Variants in HDAC9 observed in about 807,000 individuals in gnomAD.
HDAC9 encodes the protein histone deacetylase 9.
A neutral mutation model predicts 139.4 loss-of-function variants in HDAC9; 41 were observed. The ratio of observed to expected loss-of-function variants is 0.29; its 90% CI spans 0.23 to 0.38. The LOEUF (loss-of-function observed/expected upper bound fraction) is 0.38, where lower values mean the gene tolerates loss of function less well. Ranked by LOEUF, HDAC9 falls within the 10% of genes least tolerant of loss-of-function variation. The pLI is 1.00. For synonymous variants in HDAC9, 517 were observed against 476.2 expected (o/e 1.09, Z -1.12); for missense variants, 1,147 against 1,297.0 (o/e 0.88, Z 1.78).
chr7:18,699,770 T>C (rs212668), intron 12 of HDAC9, among the ~76,000 whole-genome samples: 9,161 of 152,192 alleles, frequency 0.06, 783 homozygotes, highest in African/African-American at 0.19. Context: ...GTATTTTATA[T>C]GCATTTTAAT....
At chr7:18,371,344 T>C (rs964671973) in intron 1 of HDAC9, among the ~76,000 whole-genome samples, 1 of 152,168 alleles carries the variant, frequency 6.6e-6, no homozygotes, top group African/African-American at 2.4e-5. Flanking sequence ...TTAAAATTAA[T>C]GTTAAGAAGG....
chr7:18,181,617 A>C (rs1789436318), intron 2 of HDAC9, among the ~76,000 whole-genome samples: 1 of 152,166 alleles, frequency 6.6e-6, no homozygotes, highest in Non-Finnish European at 1.5e-5. Context: ...TACAAAAATA[A>C]AGTTTAGACC....
chr7:18,124,500 A>G (rs770491251), intron 1 of HDAC9, among the ~76,000 whole-genome samples: 3 of 152,200 alleles, frequency 2.0e-5, no homozygotes, highest in Non-Finnish European at 2.9e-5. Context: ...GGAGGTTACA[A>G]TAGTGAACCT....
intron 1 of HDAC9, among the ~76,000 whole-genome samples, chr7:18,291,515 T>G (rs1797808042): frequency 6.6e-6 from 1 of 152,094 alleles, no homozygotes; most frequent in African/African-American, 2.4e-5. Context: ...GAGTGCTCAC[T>G]GTTTGTTAGC....
At chr7:18,907,706 A>G (rs1047765139) in intron 22 of HDAC9, among the ~76,000 whole-genome samples, 2 of 152,180 alleles carry the variant, frequency 1.3e-5, no homozygotes, top group East Asian at 3.9e-4. Flanking sequence ...TCTGGAAAGA[A>G]AACAAAACTC....
intron 2 of HDAC9, among the ~76,000 whole-genome samples, chr7:18,189,407 A>C (rs1470895848): frequency 2.0e-5 from 3 of 152,282 alleles, no homozygotes; most frequent in African/African-American, 7.2e-5. Flanking sequence ...CCACCATGGC[A>C]CATATATACC....
intron 25 of HDAC9, 32 bp from the exon 26 acceptor site, chr7:18,995,991 G>A: frequency 6.4e-7 from 1 of 1,556,920 alleles, no homozygotes; most frequent in Non-Finnish European, 8.7e-7. Context: ...GTACTCTTAT[G>A]CCGTATTCTG....
chr7:18,732,620 C>T lies in HDAC9; in HGVS notation c.1909+4863C>T, dbSNP rs150690943. ...GTATATGTGTGCATATGTGTATATACACACACGTGTATATGTGTGCATATG... is the reference window on the plus strand; with the variant it reads ...GTATATGTGTGCATATGTGTATATATACACACGTGTATATGTGTGCATATG... On this transcript the variant is annotated intron_variant, in intron 13 of 25. Transcript: ENST00000686413. Among the ~76,000 whole-genome samples, 454 of 140,588 alleles carry T rather than the reference C, an allele frequency of 3.2e-3. 62 individuals are homozygous for T. The highest frequency in any genetic ancestry group is 0.012 in the African/African-American group (421 of 35,422). 92.2% of individuals were successfully genotyped at this position (140,588 alleles called of 152,430 possible). A position where few individuals can be genotyped will look rare whatever the true frequency, so the allele number is the denominator to read the frequency against.
rs139034556 is a variant in HDAC9 at position 18,198,035 on chromosome 7, G to A, written c.25+35686G>A. Among the ~76,000 whole-genome samples, 656 of 152,198 alleles carry A rather than the reference G, an allele frequency of 4.3e-3. 15 individuals are homozygous for A. Among genetic ancestry groups the A allele is most frequent in the Admixed American group, 0.034 (523 of 15,268 alleles). On this transcript the variant is annotated intron_variant, in intron 2 of 12. Coordinates refer to the HDAC9 transcript ENST00000417496. ...GAAAAATATCTATAGGCTGAAAATT[G>A]TTCTAAGCTGCAAAAATGGCCTTGA...
intron 2 of HDAC9, among the ~76,000 whole-genome samples, chr7:18,549,502 A>G (rs950564390): frequency 6.6e-6 from 1 of 152,220 alleles, no homozygotes; most frequent in East Asian, 1.9e-4. Context: ...GATACAGACA[A>G]CAGCTTGGAT....
chr7:18,669,513 T>C (rs1289225523), intron 12 of HDAC9, among the ~76,000 whole-genome samples: 2 of 151,816 alleles, frequency 1.3e-5, no homozygotes, highest in Non-Finnish European at 3.0e-5. Context: ...GAGCTATAAT[T>C]ATTGACTGTT....
chr7:18,592,166 A>G (rs569596590), intron 5 of HDAC9, among the ~76,000 whole-genome samples: 1 of 152,122 alleles, frequency 6.6e-6, no homozygotes, highest in African/African-American at 2.4e-5. Flanking sequence ...AAGGAAGATA[A>G]GGGAGGGTAG....
rs113229833 is a variant in HDAC9 at position 18,142,140 on chromosome 7, G to C, written c.-96-20089G>C. On this transcript the variant is annotated intron_variant, in intron 1 of 12. Coordinates refer to the HDAC9 transcript ENST00000417496. ...ATGAGTTATTTTTCTGTCTCCTAGAGAGTATAGAGCAAGGCTACAAAGAGC... is the reference window on the plus strand; with the variant it reads ...ATGAGTTATTTTTCTGTCTCCTAGACAGTATAGAGCAAGGCTACAAAGAGC... 9.2e-4 allele frequency among the ~76,000 whole-genome samples: 139 copies of C among 151,162 alleles called. 1 individual carries two copies. The highest frequency in any genetic ancestry group is 3.0e-3 in the African/African-American group (125 of 41,074).
At chr7:18,747,212 A>C (rs1251292678) in intron 13 of HDAC9, among the ~76,000 whole-genome samples, 3 of 152,190 alleles carry the variant, frequency 2.0e-5, no homozygotes, top group Admixed American at 6.5e-5. Flanking sequence ...GCCTGGAGGA[A>C]TTTCAGTCTC....
intron 6 of HDAC9, among the ~76,000 whole-genome samples, chr7:18,615,698 T>C (rs1217259904): frequency 6.6e-6 from 1 of 152,182 alleles, no homozygotes; most frequent in Non-Finnish European, 1.5e-5. Flanking sequence ...TCCTACTACA[T>C]TACCTAAAAA....
At chr7:18,930,282 C>G (rs1377273397) in intron 22 of HDAC9, among the ~76,000 whole-genome samples, 1 of 152,114 alleles carries the variant, frequency 6.6e-6, no homozygotes, top group African/African-American at 2.4e-5. Flanking sequence ...AACACTCAAC[C>G]CCGCTTGAGG....
chr7:18,090,658 G>T (rs1008864740), intron 1 of HDAC9, among the ~76,000 whole-genome samples: 1 of 152,292 alleles, frequency 6.6e-6, no homozygotes, highest in African/African-American at 2.4e-5. Context: ...ATTGACGGGG[G>T]ACAGTAATGG....
intron 12 of HDAC9, among the ~76,000 whole-genome samples, chr7:18,692,407 T>G (rs1275430891): frequency 6.6e-6 from 1 of 152,130 alleles, no homozygotes; most frequent in African/African-American, 2.4e-5. Context: ...ATTTTTAAAA[T>G]GTTACTTTTT....
At chr7:18,126,318 C>G (rs184592731) in intron 1 of HDAC9, among the ~76,000 whole-genome samples, 16 of 152,122 alleles carry the variant, frequency 1.1e-4, no homozygotes, top group African/African-American at 3.9e-4. Flanking sequence ...CTTGAAAACC[C>G]CAGGTGAATG....
Sources: gnomAD v4.1 joint callset for allele counts (sites outside exome capture counted in the v4.1 genomes callset) on GRCh38, gnomAD v4.1.1 for gene constraint, MANE v1.5 for transcripts, NCBI Gene and HGNC (gene_info 2026-07-23, HGNC 2026-07-21) for gene names.